IMMP2L: variants seen among roughly 807,000 people sequenced by gnomAD.
The protein encoded by IMMP2L is inner mitochondrial membrane peptidase subunit 2.
Under a neutral mutation model 19.3 loss-of-function variants are expected in IMMP2L, and 18 were observed. The ratio of observed to expected loss-of-function variants is 0.93; its 90% CI spans 0.64 to 1.38. The LOEUF is 1.38. Ranked by LOEUF, IMMP2L falls within the 40% of genes most tolerant of loss-of-function variation. IMMP2L has a pLI of 0.00. For missense variants in IMMP2L, 233 were observed against 218.2 expected (o/e 1.07, Z -0.43); for synonymous variants, 76 against 73.0 (o/e 1.04, Z -0.21).
In IMMP2L at chr7:111,135,990, A is replaced by T. The variant is rs114683073; in HGVS notation, c.240-172425T>A. On this transcript the variant is annotated intron_variant, in intron 3 of 5. Transcript: ENST00000405709. ...GATGTGACTGACAGACATTACCATTATATAGTAAATAGTAGGTCAGTTGCT... is the reference window on the plus strand; with the variant it reads ...GATGTGACTGACAGACATTACCATTTTATAGTAAATAGTAGGTCAGTTGCT... 9.5e-3 allele frequency among the ~76,000 whole-genome samples: 1,446 copies of T among 152,154 alleles called. 23 individuals are homozygous for T. The highest frequency in any genetic ancestry group is 0.033 in the African/African-American group (1,363 of 41,490).
chr7:111,260,124 T>C (rs933947066), intron 3 of IMMP2L, among the ~76,000 whole-genome samples: 2 of 152,324 alleles, frequency 1.3e-5, no homozygotes, highest in South Asian at 2.1e-4. Context: ...AAGTATAGCA[T>C]AGTAAATACA....
intron 3 of IMMP2L, among the ~76,000 whole-genome samples, chr7:111,409,719 AAATTT>A (rs1834228369): frequency 6.6e-6 from 1 of 151,774 alleles, no homozygotes; most frequent in Non-Finnish European, 1.5e-5. Flanking sequence ...TACATTCATT[AAATTT>A]AAGTGAAACA....
intron 5 of IMMP2L, among the ~76,000 whole-genome samples, chr7:110,731,937 A>G (rs929791021): frequency 6.6e-6 from 1 of 152,208 alleles, no homozygotes; most frequent in Admixed American, 6.5e-5. Flanking sequence ...CTAGTTAGAG[A>G]CACAAACAGC....
intron 3 of IMMP2L, among the ~76,000 whole-genome samples, chr7:111,196,056 T>C (rs1303805097): frequency 6.6e-6 from 1 of 152,048 alleles, no homozygotes; most frequent in East Asian, 1.9e-4. Flanking sequence ...TTGTTTTTGA[T>C]AGAGACAGTA....
At chr7:111,139,004 A>G (rs1802614203) in intron 3 of IMMP2L, among the ~76,000 whole-genome samples, 1 of 152,180 alleles carries the variant, frequency 6.6e-6, no homozygotes, top group Non-Finnish European at 1.5e-5. Context: ...TTCAGTTGAC[A>G]TGATCTTTTA....
At chr7:111,220,419 G>T (rs1812385074) in intron 3 of IMMP2L, among the ~76,000 whole-genome samples, 1 of 151,974 alleles carries the variant, frequency 6.6e-6, no homozygotes, top group African/African-American at 2.4e-5. Context: ...TTCTTTAAAA[G>T]ATTTGGAGGC....
intron 5 of IMMP2L, among the ~76,000 whole-genome samples, chr7:110,701,582 A>C (rs906664147): frequency 2.0e-5 from 3 of 152,092 alleles, no homozygotes; most frequent in Non-Finnish European, 4.4e-5. Flanking sequence ...CACCAAGCCC[A>C]GCTAATTTTT....
chr7:110,918,444 CTTTT>C (rs1214723900), intron 4 of IMMP2L, among the ~76,000 whole-genome samples: 9 of 139,642 alleles, frequency 6.4e-5, no homozygotes, highest in East Asian at 2.0e-4. Context: ...AATTTCTTTT[CTTTT>C]TTTCTTTTTT....
intron 5 of IMMP2L, among the ~76,000 whole-genome samples, chr7:110,741,461 T>C (rs573540871): frequency 2.6e-5 from 4 of 152,346 alleles, no homozygotes; most frequent in Admixed American, 6.5e-5. Flanking sequence ...AGTGCCCTTA[T>C]AGAAGATCCA....
intron 3 of IMMP2L, among the ~76,000 whole-genome samples, chr7:111,311,288 C>A (rs1472217729): frequency 6.6e-6 from 1 of 151,410 alleles, no homozygotes; most frequent in Non-Finnish European, 1.5e-5. Flanking sequence ...AGGAAAAGAA[C>A]ATGAGAGAAG....
chr7:111,431,983 T>G (rs1028901167), intron 3 of IMMP2L, among the ~76,000 whole-genome samples: 1 of 151,816 alleles, frequency 6.6e-6, no homozygotes, highest in Non-Finnish European at 1.5e-5. Flanking sequence ...CAGAAATTCA[T>G]ATTTGGTAAA....
intron 3 of IMMP2L, among the ~76,000 whole-genome samples, chr7:111,250,342 T>C (rs1466665261): frequency 6.6e-6 from 1 of 152,154 alleles, no homozygotes; most frequent in African/African-American, 2.4e-5. Context: ...AAGTAATTTA[T>C]AGATTCAATG....
At chr7:110,693,871 C>G (rs1215636588) in intron 5 of IMMP2L, among the ~76,000 whole-genome samples, 1 of 152,108 alleles carries the variant, frequency 6.6e-6, no homozygotes, top group Non-Finnish European at 1.5e-5. Context: ...TCAAGCTAGT[C>G]TTTCTGGGGT....
intron 3 of IMMP2L, among the ~76,000 whole-genome samples, chr7:111,203,613 C>A (rs1586814377): frequency 7.8e-6 from 1 of 128,182 alleles, no homozygotes. Context: ...ACCAAAGAAA[C>A]CCAAGGAATT....
chr7:110,684,748 T>C (rs1562914639), intron 5 of IMMP2L, among the ~76,000 whole-genome samples: 1 of 152,058 alleles, frequency 6.6e-6, no homozygotes, highest in Non-Finnish European at 1.5e-5. Context: ...TCCTCGTGCA[T>C]GTTCTGTGCC....
At chr7:111,212,034 T>A (rs537251392) in intron 3 of IMMP2L, among the ~76,000 whole-genome samples, 1 of 152,094 alleles carries the variant, frequency 6.6e-6, no homozygotes, top group Non-Finnish European at 1.5e-5. Flanking sequence ...CTGTTTAATG[T>A]TGCTCTTCTC....
intron 3 of IMMP2L, among the ~76,000 whole-genome samples, chr7:111,102,052 G>C (rs113191240): frequency 5.3e-5 from 8 of 151,038 alleles, no homozygotes; most frequent in Admixed American, 2.0e-4. Context: ...TATGATTAAT[G>C]AGTGAACTCT....
intron 3 of IMMP2L, among the ~76,000 whole-genome samples, chr7:110,978,498 T>C (rs2129557618): frequency 6.6e-6 from 1 of 152,022 alleles, no homozygotes; most frequent in Non-Finnish European, 1.5e-5. Flanking sequence ...CATTACTATT[T>C]GCAATGTGGT....
intron 4 of IMMP2L, among the ~76,000 whole-genome samples, chr7:110,954,305 G>A (rs182290053): frequency 6.6e-6 from 1 of 152,116 alleles, no homozygotes; most frequent in East Asian, 1.9e-4. Context: ...TCTTCATAGT[G>A]GCAATTCTCT....
Sources: gnomAD v4.1 joint callset for allele counts (sites outside exome capture counted in the v4.1 genomes callset) on GRCh38, gnomAD v4.1.1 for gene constraint, MANE v1.5 for transcripts, NCBI Gene and HGNC (gene_info 2026-07-23, HGNC 2026-07-21) for gene names.